Variants in PRRX2 observed in about 807,000 individuals in gnomAD.
The protein encoded by PRRX2 is paired mesoderm homeobox protein 2.
A neutral mutation model predicts 18.0 loss-of-function variants in PRRX2; 11 were observed. That is an observed-to-expected ratio of 0.61 (90% CI 0.39 to 1.01). The LOEUF (loss-of-function observed/expected upper bound fraction) is 1.01. Among genes scored for constraint, PRRX2 ranks in the 50% least tolerant of loss-of-function variants. The pLI, the probability that PRRX2 is intolerant of heterozygous loss-of-function variation, is 0.01. For missense variants in PRRX2, 387 were observed against 351.0 expected, an observed-to-expected ratio of 1.10 and a Z score of -0.82; for synonymous variants, 177 against 154.8, an observed-to-expected ratio of 1.14 and a Z score of -1.06.
At chr9:129,684,534 C>A (rs939627143) in intron 1 of PRRX2, among the ~76,000 whole-genome samples, 88 of 121,178 alleles carry the variant, frequency 7.3e-4, no homozygotes, top group African/African-American at 2.0e-3. Flanking sequence ...CCACACACAC[C>A]CCAACAGAAA....
intron 1 of PRRX2, among the ~76,000 whole-genome samples, chr9:129,700,907 C>T (rs1334371972): frequency 1.3e-5 from 2 of 152,248 alleles, no homozygotes; most frequent in South Asian, 2.1e-4. Flanking sequence ...GCGTGAGCCA[C>T]GGTGCTTAGC....
chr9:129,690,504 CT>C (rs34070492), intron 1 of PRRX2, among the ~76,000 whole-genome samples: 34,023 of 130,934 alleles, frequency 0.26, 5,206 homozygotes, highest in East Asian at 0.52. Context: ...GGTGCCAGCT[CT>C]TTTTTTTTTT....
At chr9:129,692,526 C>T (rs1832373934) in intron 1 of PRRX2, among the ~76,000 whole-genome samples, 1 of 152,202 alleles carries the variant, frequency 6.6e-6, no homozygotes, top group Non-Finnish European at 1.5e-5. Flanking sequence ...AGTGGCTTCA[C>T]TGCCCTAACA....
At position 129,722,431 on chromosome 9, in the gene PRRX2, T is replaced by G. The variant is rs1390822681; in HGVS notation, c.*79T>G. 7 of 1,525,446 alleles carry G rather than the reference T, an allele frequency of 4.6e-6. No individual in the cohort carries two copies. In the South Asian group the frequency reaches 7.4e-5, roughly 16 times the overall value. The allele number at this position is 1,525,446 out of a possible 1,614,324, so 94.5% of individuals were successfully genotyped here. ...GGGGGCAGACGCCCAGGAAGTGACCTTCTCCTGGATGAGCTCTCCTGGCCC... is the reference window on the plus strand; with the variant it reads ...GGGGGCAGACGCCCAGGAAGTGACCGTCTCCTGGATGAGCTCTCCTGGCCC... On this transcript the variant is annotated 3_prime_UTR_variant, in exon 4 of 4. Transcript: ENST00000372469.
At chr9:129,704,918 G>A (rs533860028) in intron 1 of PRRX2, among the ~76,000 whole-genome samples, 1 of 152,284 alleles carries the variant, frequency 6.6e-6, no homozygotes, top group East Asian at 1.9e-4. Flanking sequence ...AACCCACCTT[G>A]GGCCCTGAGC....
chr9:129,695,080 C>T lies in PRRX2; in HGVS notation c.260-24151C>T, dbSNP rs1481019531. On this transcript the variant is annotated intron_variant, in intron 1 of 3. Coordinates refer to ENST00000372469, the MANE Select transcript of PRRX2 (RefSeq NM_016307.4). The surrounding 1 kb of genome is among the most constrained non-coding windows in gnomAD (Gnocchi z 4.8). ...CCCACTGATTAATCTTTTGGGGTCA[C>T]CTAGCAGTCCAGGGAGAACCCCAAC... Among the ~76,000 whole-genome samples, 1 of 152,140 alleles carries T rather than the reference C, an allele frequency of 6.6e-6. No individual in the cohort carries two copies. Among genetic ancestry groups the T allele is most frequent in the Non-Finnish European group, 1.5e-5 (1 of 68,022 alleles).
At chr9:129,684,415 AC>A (rs1832270655) in intron 1 of PRRX2, among the ~76,000 whole-genome samples, 6 of 119,510 alleles carry the variant, frequency 5.0e-5, no homozygotes, top group East Asian at 4.8e-4. Flanking sequence ...AGAGAGAGAC[AC>A]ACACAGATAC....
intron 1 of PRRX2, among the ~76,000 whole-genome samples, chr9:129,672,377 G>T (rs546607225): frequency 2.6e-5 from 4 of 152,310 alleles, no homozygotes; most frequent in Admixed American, 1.3e-4. Context: ...TGCCAGCCGT[G>T]TGAAGCCCAT....
intron 1 of PRRX2, among the ~76,000 whole-genome samples, chr9:129,672,479 T>C (rs1393662062): frequency 1.3e-5 from 2 of 152,188 alleles, no homozygotes; most frequent in Admixed American, 1.3e-4. Flanking sequence ...CCAAAACCCC[T>C]GATCTCTACC....
chr9:129,682,928 A>C (rs1290176313), intron 1 of PRRX2, among the ~76,000 whole-genome samples: 3 of 151,296 alleles, frequency 2.0e-5, no homozygotes, highest in East Asian at 3.9e-4. Context: ...AACATGGTGA[A>C]CCCCCCCCAT....
At chr9:129,701,687 T>C (rs1474736277) in intron 1 of PRRX2, among the ~76,000 whole-genome samples, 1 of 152,238 alleles carries the variant, frequency 6.6e-6, no homozygotes, top group Non-Finnish European at 1.5e-5. Flanking sequence ...ATGATATTCA[T>C]GCACACTGTA....
chr9:129,721,320 G>A (rs532626252), intron 3 of PRRX2, among the ~76,000 whole-genome samples: 23 of 152,266 alleles, frequency 1.5e-4, no homozygotes, highest in African/African-American at 4.3e-4. Context: ...AAGTTCTGGG[G>A]CAGTTTTGTC....
At chr9:129,669,530 A>T (rs1355582463) in intron 1 of PRRX2, among the ~76,000 whole-genome samples, 2 of 152,258 alleles carry the variant, frequency 1.3e-5, no homozygotes, top group Non-Finnish European at 2.9e-5. Flanking sequence ...GCCTCTGGCC[A>T]GGGAAGGCTG....
chr9:129,677,784 C>G (rs1233345955), intron 1 of PRRX2, among the ~76,000 whole-genome samples: 3 of 152,150 alleles, frequency 2.0e-5, no homozygotes, highest in Non-Finnish European at 2.9e-5. Flanking sequence ...TGTCAGGGCT[C>G]AAAGCGGGAA....
At chr9:129,696,773 C>A (rs1049321429) in intron 1 of PRRX2, among the ~76,000 whole-genome samples, 1 of 151,960 alleles carries the variant, frequency 6.6e-6, no homozygotes, top group African/African-American at 2.4e-5. Context: ...GGAGGACCCT[C>A]GCTAAGGGAT....
At position 129,709,308 on chromosome 9, in the gene PRRX2, G is replaced by A. The variant is rs975064374; in HGVS notation, c.260-9923G>A. On this transcript the variant is annotated intron_variant, in intron 1 of 3. Transcript: ENST00000372469. The surrounding 1 kb of genome is among the most constrained non-coding windows in gnomAD (Gnocchi z 4.2). The stretch of plus-strand genomic sequence containing the variant: ...TCATGTATTTAGGGGTGAGGCTCCC[G>A]ACCCCAGAGAGACCCAGATACACCG... Among the ~76,000 whole-genome samples, 4 of 152,158 alleles carry A rather than the reference G, an allele frequency of 2.6e-5. No individual in the cohort carries two copies. Among genetic ancestry groups the A allele is most frequent in the African/African-American group, 9.7e-5 (4 of 41,436 alleles).
chr9:129,688,475 A>G (rs990289636), intron 1 of PRRX2, among the ~76,000 whole-genome samples: 1 of 152,106 alleles, frequency 6.6e-6, no homozygotes, highest in African/African-American at 2.4e-5. Context: ...ACTCCCTCCC[A>G]CAGTCTCTGC....
At chr9:129,701,958 A>C (rs1172055286) in intron 1 of PRRX2, among the ~76,000 whole-genome samples, 1 of 152,126 alleles carries the variant, frequency 6.6e-6, no homozygotes, top group African/African-American at 2.4e-5. Flanking sequence ...AAAATTAGTC[A>C]GGCCTGATGC....
chr9:129,672,857 C>G (rs542206768), intron 1 of PRRX2, among the ~76,000 whole-genome samples: 1 of 151,340 alleles, frequency 6.6e-6, no homozygotes, highest in Middle Eastern at 3.4e-3. Flanking sequence ...TTCCCTTTCC[C>G]CCTCCATCCC....
Sources: gnomAD v4.1 joint callset for allele counts (sites outside exome capture counted in the v4.1 genomes callset) on GRCh38, gnomAD v4.1.1 for gene constraint, Gnocchi (gnomAD v3.1) non-coding constraint, MANE v1.5 for transcripts, NCBI Gene and HGNC (gene_info 2026-07-23, HGNC 2026-07-21) for gene names.